Variants in PSKH1 observed in about 807,000 individuals in gnomAD.
PSKH1 encodes serine/threonine-protein kinase H1.
PSKH1 carries 12 observed loss-of-function variants against 26.7 expected under a neutral mutation model. That is an observed-to-expected ratio of 0.45 (90% CI 0.29 to 0.73). PSKH1 has a LOEUF of 0.73. Among genes scored for constraint, PSKH1 ranks in the 30% least tolerant of loss-of-function variants. PSKH1 has a pLI of 0.11. For missense variants in PSKH1, 431 were observed against 595.2 expected, an observed-to-expected ratio of 0.72 and a Z score of 2.87; for synonymous variants, 213 against 234.3, an observed-to-expected ratio of 0.91 and a Z score of 0.83.
intron 2 of PSKH1, among the ~76,000 whole-genome samples, chr16:67,911,219 A>G (rs2058172318): frequency 1.3e-5 from 2 of 152,214 alleles, no homozygotes; most frequent in Admixed American, 6.5e-5. Flanking sequence ...GGGGCTCCCC[A>G]TAGGGTGTTT....
intron 2 of PSKH1, among the ~76,000 whole-genome samples, chr16:67,922,120 G>A (rs1299904637): frequency 6.6e-6 from 1 of 151,866 alleles, no homozygotes; most frequent in African/African-American, 2.4e-5. Context: ...GGTAGATTCT[G>A]TCTGGTCTGG....
chr16:67,910,774 A>G (rs941993631), intron 2 of PSKH1, among the ~76,000 whole-genome samples: 4 of 152,242 alleles, frequency 2.6e-5, no homozygotes, highest in African/African-American at 9.6e-5. Flanking sequence ...AAGTGCTGGG[A>G]TTACAGGCGT....
intron 1 of PSKH1, among the ~76,000 whole-genome samples, chr16:67,905,068 C>T (rs534729638): frequency 6.6e-6 from 1 of 151,732 alleles, no homozygotes; most frequent in African/African-American, 2.4e-5. Flanking sequence ...CCTCATGATC[C>T]ACCCGCCTCG....
At chr16:67,902,216 T>C in intron 1 of PSKH1, among the ~76,000 whole-genome samples, 1 of 150,906 alleles carries the variant, frequency 6.6e-6, no homozygotes, top group East Asian at 2.0e-4. Context: ...GCTGAGATCG[T>C]GCCACTGCAC....
At chr16:67,899,922 TC>T (rs2058137193) in intron 1 of PSKH1, among the ~76,000 whole-genome samples, 1 of 151,902 alleles carries the variant, frequency 6.6e-6, no homozygotes, top group African/African-American at 2.4e-5. Context: ...GTGCTAGGAT[TC>T]CAGGCATGAG....
intron 1 of PSKH1, among the ~76,000 whole-genome samples, chr16:67,896,494 G>T (rs2058126793): frequency 6.7e-6 from 1 of 149,498 alleles, no homozygotes; most frequent in South Asian, 2.1e-4. Context: ...TTTCCTCAAG[G>T]TCATTTCTGG....
At chr16:67,904,611 A>G (rs1165695376) in intron 1 of PSKH1, among the ~76,000 whole-genome samples, 1 of 151,978 alleles carries the variant, frequency 6.6e-6, no homozygotes, top group Non-Finnish European at 1.5e-5. Flanking sequence ...AAGTGCTAGG[A>G]TTACAGGCGT....
At chr16:67,910,826 A>T (rs1262292690) in intron 2 of PSKH1, among the ~76,000 whole-genome samples, 2 of 152,252 alleles carry the variant, frequency 1.3e-5, no homozygotes, top group African/African-American at 2.4e-5. Context: ...TTAAAATGTT[A>T]GAATATTCTG....
At chr16:67,904,917 C>T (rs940729703) in intron 1 of PSKH1, among the ~76,000 whole-genome samples, 19 of 151,256 alleles carry the variant, frequency 1.3e-4, no homozygotes, top group African/African-American at 4.1e-4. Flanking sequence ...ACCTCTGCCT[C>T]CCGCATTCAC....
chr16:67,897,331 C>A (rs554376367), intron 1 of PSKH1, among the ~76,000 whole-genome samples: 1 of 152,168 alleles, frequency 6.6e-6, no homozygotes, highest in Non-Finnish European at 1.5e-5. Flanking sequence ...AGCATTAAGC[C>A]GGTTTGTGTT....
chr16:67,918,354 C>T (rs1257845945), intron 2 of PSKH1, among the ~76,000 whole-genome samples: 1 of 151,990 alleles, frequency 6.6e-6, no homozygotes, highest in East Asian at 1.9e-4. Context: ...GGTGACTGTA[C>T]TAGGAACAGG....
intron 2 of PSKH1, among the ~76,000 whole-genome samples, chr16:67,914,240 C>A (rs1285617692): frequency 6.6e-6 from 1 of 151,982 alleles, no homozygotes; most frequent in African/African-American, 2.4e-5. Flanking sequence ...ACCTACGCCT[C>A]CTGGGTTCAA....
chr16:67,912,880 C>G (rs2058177206), intron 2 of PSKH1, among the ~76,000 whole-genome samples: 2 of 150,242 alleles, frequency 1.3e-5, no homozygotes, highest in African/African-American at 4.9e-5. Context: ...AAAAAAGAAA[C>G]AAAAAAAAAG....
intron 2 of PSKH1, among the ~76,000 whole-genome samples, chr16:67,913,822 T>C (rs1403648965): frequency 6.6e-6 from 1 of 152,094 alleles, no homozygotes; most frequent in African/African-American, 2.4e-5. Context: ...CACCAGGTGG[T>C]GTTGATAACA....
intron 2 of PSKH1, among the ~76,000 whole-genome samples, chr16:67,916,455 A>T (rs2058188099): frequency 6.6e-6 from 1 of 152,132 alleles, no homozygotes; most frequent in Admixed American, 6.5e-5. Context: ...CCTGCAGAAG[A>T]TGAGTTTTGA....
At chr16:67,913,206 G>C (rs1178355193) in intron 2 of PSKH1, among the ~76,000 whole-genome samples, 1 of 152,142 alleles carries the variant, frequency 6.6e-6, no homozygotes, top group South Asian at 2.1e-4. Flanking sequence ...GAGTGCAGGG[G>C]TGCGATCTTG....
chr16:67,927,230 C>T lies in PSKH1; in HGVS notation c.958-95C>T. The T allele has an allele frequency of 1.5e-6, 2 of 1,302,924 alleles. No homozygotes were observed. The highest frequency in any genetic ancestry group is 2.3e-5 in the East Asian group (1 of 42,924). 80.7% of individuals were successfully genotyped at this position (1,302,924 alleles called of 1,614,324 possible). A position where few individuals can be genotyped will look rare whatever the true frequency, so the allele number is the denominator to read the frequency against. ...ACATGAGAGGAGGGGCAGCACCTCT[C>T]TCTGGAAAGGGGAGGGTTGCTGAGT... is the stretch of plus-strand genomic sequence containing the variant. On this transcript the variant is annotated intron_variant, in intron 2 of 2. Transcript: ENST00000291041. The surrounding 1 kb of genome is among the most constrained non-coding windows in gnomAD (Gnocchi z 5.5).
chr16:67,919,419 A>C (rs1045499979), intron 2 of PSKH1, among the ~76,000 whole-genome samples: 4 of 152,202 alleles, frequency 2.6e-5, no homozygotes, highest in Non-Finnish European at 5.9e-5. Flanking sequence ...TCTGTCCCTA[A>C]GCCCTTCTTC....
intron 2 of PSKH1, among the ~76,000 whole-genome samples, chr16:67,925,927 C>G (rs974511271): frequency 6.6e-6 from 1 of 151,786 alleles, no homozygotes; most frequent in Non-Finnish European, 1.5e-5. Context: ...CTGGGAGTAG[C>G]AGTAGTCAGT....
Sources: gnomAD v4.1 joint callset for allele counts (sites outside exome capture counted in the v4.1 genomes callset) on GRCh38, gnomAD v4.1.1 for gene constraint, Gnocchi (gnomAD v3.1) non-coding constraint, MANE v1.5 for transcripts, NCBI Gene and HGNC (gene_info 2026-07-23, HGNC 2026-07-21) for gene names.